Variants in SMIM41 observed in about 807,000 individuals in gnomAD.
SMIM41 encodes small integral membrane protein 41.
chr12:52,107,459 T>C lies in SMIM41; in HGVS notation c.*276T>C. 1 of 613,130 alleles carries C rather than the reference T, an allele frequency of 1.6e-6. No homozygotes were observed. The highest frequency in any genetic ancestry group is 3.2e-6 in the Non-Finnish European group (1 of 315,398). The allele number at this position is 613,130 out of a possible 1,614,324, so 38.0% of individuals were successfully genotyped here. A position where few individuals can be genotyped will look rare whatever the true frequency, so the allele number is the denominator to read the frequency against. Reference sequence around the variant, plus strand: ...TGCCTGGTCATGGTGCTGGGGAACCTGCTCATCATCCGGCCATGAGCCCTG... The same window carrying C: ...TGCCTGGTCATGGTGCTGGGGAACCCGCTCATCATCCGGCCATGAGCCCTG... On this transcript the variant is annotated 3_prime_UTR_variant, in exon 3 of 3. Coordinates refer to ENST00000546390, the MANE Select transcript of SMIM41 (RefSeq NM_001369216.1).
At chr12:52,101,715 T>G (rs1318023976) in intron 2 of SMIM41, among the ~76,000 whole-genome samples, 8 of 143,292 alleles carry the variant, frequency 5.6e-5, no homozygotes, top group East Asian at 3.9e-4. Context: ...TGTTTTTTTG[T>G]TTTTTTTTTG....
chr12:52,095,409 G>A (rs1244692654), intron 2 of SMIM41, among the ~76,000 whole-genome samples: 2 of 151,922 alleles, frequency 1.3e-5, no homozygotes, highest in Non-Finnish European at 2.9e-5. Flanking sequence ...GCGTGTTTAC[G>A]TTATTGTCAG....
At chr12:52,091,350 A>G (rs1181075391) in intron 2 of SMIM41, among the ~76,000 whole-genome samples, 1 of 152,158 alleles carries the variant, frequency 6.6e-6, no homozygotes, top group Non-Finnish European at 1.5e-5. Flanking sequence ...CCATCTTTGG[A>G]ATCTCTCTCT....
intron 2 of SMIM41, chr12:52,092,550 A>T (rs960987832): frequency 4.6e-5 from 7 of 152,242 alleles, no homozygotes; most frequent in Non-Finnish European, 1.0e-4. Context: ...CAATATTAGG[A>T]TGAATCTAAA....
chr12:52,095,535 G>C (rs1267011474), intron 2 of SMIM41, among the ~76,000 whole-genome samples: 1 of 152,106 alleles, frequency 6.6e-6, no homozygotes, highest in Non-Finnish European at 1.5e-5. Flanking sequence ...CAATATCACA[G>C]GAGTGTTTCT....
intron 2 of SMIM41, among the ~76,000 whole-genome samples, chr12:52,089,887 C>A (rs1271310221): frequency 6.6e-6 from 1 of 152,220 alleles, no homozygotes; most frequent in Non-Finnish European, 1.5e-5. Context: ...ATCCTACTTC[C>A]AAATAAGGTC....
chr12:52,088,205 G>A (rs1256876805), intron 2 of SMIM41, among the ~76,000 whole-genome samples: 1 of 152,226 alleles, frequency 6.6e-6, no homozygotes, highest in African/African-American at 2.4e-5. Flanking sequence ...GGTGCCTGCA[G>A]AGAGTGATTG....
chr12:52,092,952 C>T (rs979715041), intron 2 of SMIM41, among the ~76,000 whole-genome samples: 7 of 152,166 alleles, frequency 4.6e-5, no homozygotes, highest in African/African-American at 7.2e-5. Flanking sequence ...TAGGTCGAGG[C>T]GGGCAGATCA....
At chr12:52,084,375 A>C (rs78088762) in intron 2 of SMIM41, among the ~76,000 whole-genome samples, 1 of 50,420 alleles carries the variant, frequency 2.0e-5, no homozygotes, top group African/African-American at 9.3e-5. Context: ...ATCAACCACA[A>C]AAAAAAAAAC....
intron 2 of SMIM41, among the ~76,000 whole-genome samples, chr12:52,099,244 A>C (rs1202822216): frequency 2.6e-5 from 4 of 151,500 alleles, no homozygotes; most frequent in Admixed American, 2.6e-4. Flanking sequence ...TGCCCCCTGG[A>C]TGTTAAAAAC....
intron 2 of SMIM41, among the ~76,000 whole-genome samples, chr12:52,089,211 G>A (rs1418672697): frequency 6.6e-6 from 1 of 152,120 alleles, no homozygotes; most frequent in Non-Finnish European, 1.5e-5. Flanking sequence ...CACAAGCTGG[G>A]TGGCTTGAAA....
intron 2 of SMIM41, among the ~76,000 whole-genome samples, chr12:52,088,601 T>C (rs567287440): frequency 9.2e-5 from 14 of 152,292 alleles, no homozygotes; most frequent in African/African-American, 3.1e-4. Flanking sequence ...TCACCAAATA[T>C]GGTCCCTTCT....
intron 2 of SMIM41, chr12:52,092,554 A>G (rs927878361): frequency 1.9e-4 from 29 of 152,362 alleles, no homozygotes; most frequent in African/African-American, 6.7e-4. Flanking sequence ...ATTAGGATGA[A>G]TCTAAAAGGG....
At chr12:52,105,577 C>A (rs1390303515) in intron 2 of SMIM41, among the ~76,000 whole-genome samples, 1 of 152,078 alleles carries the variant, frequency 6.6e-6, no homozygotes, top group Non-Finnish European at 1.5e-5. Context: ...ATGGTGAAAC[C>A]CCGTCTCTAC....
chr12:52,107,611 A>C lies in SMIM41; in HGVS notation c.*428A>C. On this transcript the variant is annotated 3_prime_UTR_variant, in exon 3 of 3. Transcript: ENST00000546390. ...CAGTCTCGCAGCAGAGTCATCTCCTATGCAGGCTGCCTGACTCAGAAGTCT... is the reference window on the plus strand; with the variant it reads ...CAGTCTCGCAGCAGAGTCATCTCCTCTGCAGGCTGCCTGACTCAGAAGTCT... The C allele has an allele frequency of 1.6e-6, 1 of 625,030 alleles. No individual in the cohort carries two copies. The highest frequency in any genetic ancestry group is 3.0e-6 in the Non-Finnish European group (1 of 330,974). 38.7% of individuals were successfully genotyped at this position (625,030 alleles called of 1,614,324 possible). A position where few individuals can be genotyped will look rare whatever the true frequency, so the allele number is the denominator to read the frequency against.
chr12:52,103,943 G>A (rs1300497677), intron 2 of SMIM41, among the ~76,000 whole-genome samples: 1 of 152,184 alleles, frequency 6.6e-6, no homozygotes, highest in Non-Finnish European at 1.5e-5. Flanking sequence ...GATGATGGCG[G>A]TGATGGTTGC....
Position 52,079,866 on chromosome 12 carries a change from CGAGGGG to C in SMIM41, c.88_93del (p.Glu30_Gly31del), listed in dbSNP as rs2120641888. Reference sequence around the variant, plus strand: ...AGTCGGCGTCGCCGCCGGAGCCCCCCGAGGGGCCGCGCGCGGTGCAGGCGGTGGTGC... The same window carrying C: ...AGTCGGCGTCGCCGCCGGAGCCCCCCCCGCGCGCGGTGCAGGCGGTGGTGC... On this transcript the variant is annotated inframe_deletion, in exon 1 of 3. Coordinates refer to ENST00000546390, the MANE Select transcript of SMIM41 (RefSeq NM_001369216.1). 2.6e-6 allele frequency: 1 copy of C among 391,514 alleles called. No homozygotes were observed. Among genetic ancestry groups the C allele is most frequent in the South Asian group, 1.3e-4 (1 of 7,832 alleles). The allele number at this position is 391,514 out of a possible 1,614,324, so 24.3% of individuals were successfully genotyped here.
chr12:52,100,054 C>A (rs1261818889), intron 2 of SMIM41, among the ~76,000 whole-genome samples: 1 of 151,948 alleles, frequency 6.6e-6, no homozygotes, highest in Non-Finnish European at 1.5e-5. Context: ...GGTGTACACA[C>A]CCTGTGATAT....
At chr12:52,090,434 G>A (rs1434832283) in intron 2 of SMIM41, among the ~76,000 whole-genome samples, 1 of 151,380 alleles carries the variant, frequency 6.6e-6, no homozygotes, top group Admixed American at 6.6e-5. Context: ...AATAGAGAGA[G>A]TGGGGAGGGG....
Sources: allele counts gnomAD v4.1 joint callset (sites outside exome capture counted in the v4.1 genomes callset), GRCh38; gene constraint gnomAD v4.1.1; transcripts MANE v1.5; gene names NCBI Gene and HGNC (gene_info 2026-07-23, HGNC 2026-07-21).